NEDD1: variants seen among roughly 807,000 people sequenced by gnomAD.
The protein encoded by NEDD1 is NEDD1 gamma-tubulin ring complex targeting factor.
Under a neutral mutation model 74.0 loss-of-function variants are expected in NEDD1, and 33 were observed. The observed-to-expected ratio is 0.45, with a 90% confidence interval of 0.34 to 0.60. The LOEUF is 0.60. NEDD1 is among the 20% of genes least tolerant of loss of function. The probability of loss-of-function intolerance (pLI) is 0.01; values close to 1 mark genes in which losing one functional copy is unlikely to be tolerated. For missense variants in NEDD1, 746 were observed against 776.5 expected, an observed-to-expected ratio of 0.96 and a Z score of 0.47; for synonymous variants, 250 against 264.4, an observed-to-expected ratio of 0.95 and a Z score of 0.53.
intron 6 of NEDD1, 93 bp downstream of exon 6, chr12:96,920,218 G>A: frequency 1.3e-6 from 1 of 757,822 alleles, no homozygotes; most frequent in African/African-American, 1.8e-5. Context: ...TGAAATGCTT[G>A]ATTGAAAAAC....
rs773256689 is a variant in NEDD1 at position 96,937,277 on chromosome 12, G to A, written c.1001G>A (p.Gly334Glu). The A allele has an allele frequency of 1.2e-6, 2 of 1,612,650 alleles. No homozygotes were observed. The highest frequency in any genetic ancestry group is 4.5e-5 in the East Asian group (2 of 44,822). ...RSVNVNAASG[G>E]VQNSGIVREA... The stretch of plus-strand genomic sequence containing the variant: ...GTTAATGTGAATGCTGCTAGTGGAG[G>A]AGTTCAGAATTCCGGAATTGTCAGA... The change falls in exon 9 of 16, where the codon GGA becomes GAA. Residue 334 changes from glycine to glutamate, a missense_variant. Transcript: ENST00000266742.
At chr12:96,951,797 A>G (rs897465854) in intron 15 of NEDD1, 152 bp from the exon 16 acceptor site, 1 of 564,640 alleles carries the variant, frequency 1.8e-6, no homozygotes, top group African/African-American at 1.9e-5. Context: ...TTCCATTTAT[A>G]TTAACAAACT....
intron 6 of NEDD1, among the ~76,000 whole-genome samples, chr12:96,929,460 A>G (rs1004328353): frequency 2.0e-4 from 30 of 146,748 alleles, no homozygotes; most frequent in African/African-American, 6.8e-4. Flanking sequence ...TGTGGGATAT[A>G]TCTGTGAAAT....
intron 6 of NEDD1, among the ~76,000 whole-genome samples, chr12:96,920,972 G>A (rs1393703330): frequency 6.6e-6 from 1 of 152,086 alleles, no homozygotes. Context: ...TATATAAATG[G>A]TATTATGAGT....
At chr12:96,950,450 A>G (rs903672918) in intron 14 of NEDD1, among the ~76,000 whole-genome samples, 1 of 152,004 alleles carries the variant, frequency 6.6e-6, no homozygotes, top group Non-Finnish European at 1.5e-5. Context: ...ATGATTGTTT[A>G]TAACAACGTT....
rs1188451867 is a variant in NEDD1 at position 96,907,841 on chromosome 12, T to G, written c.-24T>G. On this transcript the variant is annotated 5_prime_UTR_variant, in exon 2 of 16. Transcript: ENST00000266742. ...GTAAAGTCTCTCCCTTAATGCTCAG[T>G]TCTTAGAAGACCGAGGTAGGTGGGC... 5 of 1,368,684 alleles carry G rather than the reference T, an allele frequency of 3.7e-6. No individual in the cohort carries two copies. Among genetic ancestry groups the G allele is most frequent in the Admixed American group, 3.0e-5 (1 of 33,018 alleles). 84.8% of individuals were successfully genotyped at this position (1,368,684 alleles called of 1,614,324 possible). A position where few individuals can be genotyped will look rare whatever the true frequency, so the allele number is the denominator to read the frequency against.
rs1878119900 is a variant in NEDD1 at position 96,945,683 on chromosome 12, T to C, written c.1655-10T>C. 6.4e-7 allele frequency: 1 copy of C among 1,553,120 alleles called. No homozygotes were observed. The highest frequency in any genetic ancestry group is 1.7e-5 in the Admixed American group (1 of 59,128). Reference sequence around the variant, plus strand: ...TTGACTATTAATATTTTCTTCATTCTTTATTTTAGATCCAAAGATAGCATC... The same window carrying C: ...TTGACTATTAATATTTTCTTCATTCCTTATTTTAGATCCAAAGATAGCATC... On this transcript the variant is annotated splice_polypyrimidine_tract_variant and intron_variant, in intron 13 of 15. Coordinates refer to ENST00000266742, the MANE Select transcript of NEDD1 (RefSeq NM_152905.4).
At chr12:96,930,211 A>ACTCTCTCTCTCTCTCTCT (rs143562580) in intron 6 of NEDD1, among the ~76,000 whole-genome samples, 1 of 89,242 alleles carries the variant, frequency 1.1e-5, no homozygotes, top group African/African-American at 5.2e-5. Context: ...ACACACACAC[A>ACTCTCTCTCTCTCTCTCT]CTCTCTCTCT....
At chr12:96,945,245 C>T (rs1878081444) in intron 13 of NEDD1, among the ~76,000 whole-genome samples, 1 of 152,068 alleles carries the variant, frequency 6.6e-6, no homozygotes. Context: ...AATCAACTCT[C>T]ATATAAATAT....
intron 4 of NEDD1, among the ~76,000 whole-genome samples, chr12:96,915,271 C>T (rs1184321843): frequency 6.6e-6 from 1 of 152,152 alleles, no homozygotes; most frequent in East Asian, 1.9e-4. Context: ...CATTTTTGAC[C>T]CCCTTAAAAG....
At position 96,940,538 on chromosome 12, in the gene NEDD1, G is replaced by A. The variant is rs1298180485; in HGVS notation, c.1246+1G>A. The A allele has an allele frequency of 1.9e-6, 3 of 1,599,794 alleles. No individual in the cohort carries two copies. Among genetic ancestry groups the A allele is most frequent in the Non-Finnish European group, 2.6e-6 (3 of 1,170,024 alleles). On this transcript the variant is annotated splice_donor_variant, in intron 10 of 15. Transcript: ENST00000266742. LOFTEE classifies it high-confidence loss of function. ...GACATGTTCTCACCTATCAGAGATG[G>A]TAAGTCTGTTCAGAGGATCCTGTTC...
chr12:96,907,442 G>T (rs535809814), intron 1 of NEDD1, 142 bp downstream of exon 1: 4 of 565,806 alleles, frequency 7.1e-6, no homozygotes, highest in Admixed American at 3.6e-5. Context: ...GTTGCTGGGC[G>T]GGGGCGCGGC....
chr12:96,947,079 A>G (rs899873782), intron 14 of NEDD1, among the ~76,000 whole-genome samples: 1 of 152,100 alleles, frequency 6.6e-6, no homozygotes, highest in African/African-American at 2.4e-5. Flanking sequence ...CTTTTTAACT[A>G]TGTTAGTATT....
Position 96,952,073 on chromosome 12 carries a change from ATGT to A in NEDD1, c.*22_*24del, listed in dbSNP as rs779677278. On this transcript the variant is annotated 3_prime_UTR_variant, in exon 16 of 16. Coordinates refer to ENST00000266742, the MANE Select transcript of NEDD1 (RefSeq NM_152905.4). ...TTTTGAAATTTCAGTGAATACCTTA[ATGT>A]TCTGTAATTTGGGAAGTTTCTGGCA... 3.1e-6 allele frequency: 4 copies of A among 1,294,824 alleles called. No homozygotes were observed. The highest frequency in any genetic ancestry group is 4.5e-6 in the Non-Finnish European group (4 of 893,728). The allele number at this position is 1,294,824 out of a possible 1,614,324, so 80.2% of individuals were successfully genotyped here.
At chr12:96,948,661 GA>G (rs1878426738) in intron 14 of NEDD1, among the ~76,000 whole-genome samples, 1 of 152,178 alleles carries the variant, frequency 6.6e-6, no homozygotes, top group African/African-American at 2.4e-5. Flanking sequence ...TGTCTATTAA[GA>G]AGATTTAAGT....
intron 6 of NEDD1, among the ~76,000 whole-genome samples, chr12:96,923,252 T>A (rs1875305353): frequency 6.6e-6 from 1 of 152,258 alleles, no homozygotes; most frequent in Admixed American, 6.5e-5. Context: ...GGGCCACCAT[T>A]TATCCATTCT....
chr12:96,942,683 T>C lies in NEDD1; in HGVS notation c.1294+59T>C, dbSNP rs376026591. 1.3e-4 allele frequency: 108 copies of C among 832,032 alleles called. No individual in the cohort carries two copies. The African/African-American group carries it at 1.8e-3, about 14-fold the overall frequency. 51.5% of individuals were successfully genotyped at this position (832,032 alleles called of 1,614,324 possible). ...GAAAAGTGAATTGTATTATCTATGC[T>C]GTGTAACAAATCTCTCCAACACTTT... On this transcript the variant is annotated intron_variant, in intron 11 of 15. Coordinates refer to ENST00000266742, the MANE Select transcript of NEDD1 (RefSeq NM_152905.4).
chr12:96,947,668 C>T (rs1480744194), intron 14 of NEDD1, among the ~76,000 whole-genome samples: 1 of 152,192 alleles, frequency 6.6e-6, no homozygotes, highest in African/African-American at 2.4e-5. Flanking sequence ...GATCTGAGTG[C>T]TGGAGCAACT....
chr12:96,927,640 T>C (rs1413264703), intron 6 of NEDD1, among the ~76,000 whole-genome samples: 1 of 152,246 alleles, frequency 6.6e-6, no homozygotes, highest in African/African-American at 2.4e-5. Context: ...GTATATGTTA[T>C]TCAGTATATG....
Sources: gnomAD v4.1 joint callset for allele counts (sites outside exome capture counted in the v4.1 genomes callset) on GRCh38, gnomAD v4.1.1 for gene constraint, MANE v1.5 for transcripts, NCBI Gene and HGNC (gene_info 2026-07-23, HGNC 2026-07-21) for gene names.